The following HSD17B12 variants were observed in gnomAD, a reference collection of about 807,000 sequenced individuals.
HSD17B12 encodes the protein very-long-chain 3-oxoacyl-CoA reductase.
A neutral mutation model predicts 39.3 loss-of-function variants in HSD17B12; 32 were observed. The ratio of observed to expected loss-of-function variants is 0.81; its 90% CI spans 0.61 to 1.09. The LOEUF (loss-of-function observed/expected upper bound fraction) is 1.09. Ranked by LOEUF, HSD17B12 falls within the 50% of genes least tolerant of loss-of-function variation. HSD17B12 has a pLI of 0.00. For synonymous variants in HSD17B12, 150 were observed against 146.7 expected, an observed-to-expected ratio of 1.02 and a Z score of -0.16; for missense variants, 342 against 382.9, an observed-to-expected ratio of 0.89 and a Z score of 0.89.
chr11:43,591,712 TTG>T, the HSD17B12 span, among the ~76,000 whole-genome samples: 1 of 152,076 alleles, frequency 6.6e-6, no homozygotes, highest in Non-Finnish European at 1.5e-5. Flanking sequence ...AAATGAAATT[TTG>T]TGTTTCTTTT....
At chr11:43,835,997 G>C (rs1951367398) in intron 7 of HSD17B12, among the ~76,000 whole-genome samples, 1 of 152,116 alleles carries the variant, frequency 6.6e-6, no homozygotes, top group South Asian at 2.1e-4. Context: ...GGTCTGTTTT[G>C]ATCAGGTCAA....
At chr11:43,773,043 G>A (rs567274326) in intron 3 of HSD17B12, among the ~76,000 whole-genome samples, 1 of 152,126 alleles carries the variant, frequency 6.6e-6, no homozygotes, top group African/African-American at 2.4e-5. Context: ...CGTGAGAGGT[G>A]GAGGTTACAG....
intron 1 of HSD17B12, among the ~76,000 whole-genome samples, chr11:43,743,724 A>G (rs543719461): frequency 1.3e-5 from 2 of 152,352 alleles, no homozygotes; most frequent in African/African-American, 4.8e-5. Context: ...GGATTCCCCA[A>G]TGACAAAGCT....
the HSD17B12 span, among the ~76,000 whole-genome samples, chr11:43,622,893 A>G: frequency 1.3e-5 from 2 of 152,178 alleles, no homozygotes; most frequent in Admixed American, 6.5e-5. Context: ...AAAATTTCAA[A>G]AGGCAACCAC....
chr11:43,682,881 T>G (rs974407009), intron 1 of HSD17B12, among the ~76,000 whole-genome samples: 5 of 151,970 alleles, frequency 3.3e-5, no homozygotes, highest in Admixed American at 3.3e-4. Context: ...AGCCTCGAAC[T>G]CTTGGGTTCA....
chr11:43,769,256 C>G (rs908489780), intron 3 of HSD17B12, among the ~76,000 whole-genome samples: 9 of 152,234 alleles, frequency 5.9e-5, no homozygotes, highest in Admixed American at 5.2e-4. Flanking sequence ...TATGCTGGCC[C>G]CTACTGTGTA....
intron 1 of HSD17B12, among the ~76,000 whole-genome samples, chr11:43,683,790 T>G (rs1949773422): frequency 6.6e-6 from 1 of 152,206 alleles, no homozygotes; most frequent in African/African-American, 2.4e-5. Context: ...ATTTTATTAG[T>G]ATATGTTGAA....
At chr11:43,635,711 C>T in the HSD17B12 span, among the ~76,000 whole-genome samples, 1 of 152,140 alleles carries the variant, frequency 6.6e-6, no homozygotes, top group African/African-American at 2.4e-5. Flanking sequence ...GAGGATGAGA[C>T]AAGTTTTGAA....
the HSD17B12 span, among the ~76,000 whole-genome samples, chr11:43,608,921 T>C: frequency 6.6e-6 from 1 of 152,080 alleles, no homozygotes; most frequent in South Asian, 2.1e-4. Flanking sequence ...AGAAAACATA[T>C]GCACAACCCC....
chr11:43,717,854 G>C (rs1327597597), intron 1 of HSD17B12, among the ~76,000 whole-genome samples: 1 of 149,600 alleles, frequency 6.7e-6, no homozygotes, highest in African/African-American at 2.5e-5. Context: ...GCCCAGGCTG[G>C]AGTGCAGTGG....
intron 1 of HSD17B12, chr11:43,734,440 C>T (rs747075560): frequency 6.8e-6 from 5 of 735,906 alleles, no homozygotes; most frequent in Admixed American, 1.9e-5. Context: ...CACTGGCCAC[C>T]GCAGGGGACA....
At chr11:43,776,306 G>A (rs1438847030) in intron 3 of HSD17B12, among the ~76,000 whole-genome samples, 22 of 152,106 alleles carry the variant, frequency 1.4e-4, no homozygotes, top group Non-Finnish European at 2.9e-4. Context: ...TCTAACTGGT[G>A]TGAGATGGTA....
At chr11:43,826,272 A>G (rs936718242) in intron 6 of HSD17B12, among the ~76,000 whole-genome samples, 4 of 151,642 alleles carry the variant, frequency 2.6e-5, no homozygotes, top group Non-Finnish European at 5.9e-5. Context: ...TTTAGTAGAG[A>G]CGGAGTTTCA....
chr11:43,827,403 T>G (rs1322354580), intron 6 of HSD17B12, among the ~76,000 whole-genome samples: 1 of 152,188 alleles, frequency 6.6e-6, no homozygotes, highest in Non-Finnish European at 1.5e-5. Context: ...CATACTAAAT[T>G]AATGAGTGGG....
At chr11:43,658,187 T>G in the HSD17B12 span, among the ~76,000 whole-genome samples, 1 of 152,258 alleles carries the variant, frequency 6.6e-6, no homozygotes, top group Non-Finnish European at 1.5e-5. Flanking sequence ...GTTGATCACA[T>G]CAGTTACTGA....
At chr11:43,613,431 AAACG>A in the HSD17B12 span, among the ~76,000 whole-genome samples, 1 of 151,568 alleles carries the variant, frequency 6.6e-6, no homozygotes, top group Non-Finnish European at 1.5e-5. Flanking sequence ...AAAAAAAAAC[AAACG>A]AACAACAACA....
At chr11:43,733,904 T>C in intron 1 of HSD17B12, 1 of 686,666 alleles carries the variant, frequency 1.5e-6, no homozygotes, top group Non-Finnish European at 2.7e-6. Flanking sequence ...CAGGACATTG[T>C]AGTAGGGGAA....
Position 43,751,956 on chromosome 11 carries a change from G to A in HSD17B12, c.207+999G>A, listed in dbSNP as rs938847381. Among the ~76,000 whole-genome samples the A allele has an allele frequency of 3.9e-5, 6 of 152,036 alleles. No homozygotes were observed. The East Asian group carries it at 5.8e-4, about 15-fold the overall frequency. Reference sequence around the variant, plus strand: ...ACATACAGCCCTTATGCAGGTTTCCGGTTGCCCCAATACATCCTTTTAAGC... The same window carrying A: ...ACATACAGCCCTTATGCAGGTTTCCAGTTGCCCCAATACATCCTTTTAAGC... On this transcript the variant is annotated intron_variant, in intron 2 of 10. Transcript: ENST00000278353.
the HSD17B12 span, among the ~76,000 whole-genome samples, chr11:43,647,442 ATT>A: frequency 3.2e-5 from 4 of 123,284 alleles, no homozygotes; most frequent in Admixed American, 8.8e-5. Flanking sequence ...CACCTTGCTA[ATT>A]TTTTTTTTTT....
Sources: gnomAD v4.1 joint callset for allele counts (sites outside exome capture counted in the v4.1 genomes callset) on GRCh38, gnomAD v4.1.1 for gene constraint, MANE v1.5 for transcripts, NCBI Gene and HGNC (gene_info 2026-07-23, HGNC 2026-07-21) for gene names.